Variants in MFAP4 observed in about 807,000 individuals in gnomAD.
MFAP4 encodes microfibril associated protein 4, also known as microfibril-associated glycoprotein 4.
In MFAP4, 20 loss-of-function variants were observed where a neutral mutation model predicts 32.4. The ratio of observed to expected loss-of-function variants is 0.62; its 90% CI spans 0.43 to 0.90. The LOEUF (loss-of-function observed/expected upper bound fraction) is 0.90. Among genes scored for constraint, MFAP4 ranks in the 40% least tolerant of loss-of-function variants. MFAP4 has a pLI of 0.00. For missense variants in MFAP4, 267 were observed against 329.5 expected (o/e 0.81, Z 1.47); for synonymous variants, 146 against 137.4 (o/e 1.06, Z -0.44).
chr17:19,384,810 C>A, intron 5 of MFAP4, 101 bp from the exon 6 acceptor site: 1 of 1,520,978 alleles, frequency 6.6e-7, no homozygotes, highest in Non-Finnish European at 9.0e-7. Flanking sequence ...TATCACGTGG[C>A]AGCCTGGCGG....
intron 1 of MFAP4, 134 bp from the exon 2 acceptor site, chr17:19,386,972 T>TGCCGGGGCCCCCCC: frequency 1.1e-6 from 1 of 937,014 alleles, no homozygotes; most frequent in Non-Finnish European, 1.7e-6. Flanking sequence ...TGGCCCCTCT[T>TGCCGGGGCCCCCCC]CCCTGCCCCC....
intron 2 of MFAP4, 52 bp downstream of exon 2, chr17:19,386,708 T>C: frequency 6.5e-7 from 1 of 1,539,170 alleles, no homozygotes; most frequent in East Asian, 2.4e-5. Flanking sequence ...GTCCAGCCTC[T>C]TCTTGCACAA....
Position 19,385,348 on chromosome 17 carries a change from C to T in MFAP4, c.337+10G>A. The stretch of plus-strand genomic sequence containing the variant: ...GGGCAGCCCCTCAGCCCACCTGGTC[C>T]CTGCCTTACCCAGCCAGTACTCTCC... On this transcript the variant is annotated intron_variant, in intron 4 of 5. Transcript: ENST00000299610. The T allele has an allele frequency of 6.2e-7, 1 of 1,614,222 alleles. No individual in the cohort carries two copies. Among genetic ancestry groups the T allele is most frequent in the Non-Finnish European group, 8.5e-7 (1 of 1,180,030 alleles).
In MFAP4 at chr17:19,386,390, C is replaced by T. The variant is rs143390571; in HGVS notation, c.160G>A (p.Val54Met). 16 of 1,613,886 alleles carry T rather than the reference C, an allele frequency of 9.9e-6. 1 individual carries two copies. In the South Asian group the frequency reaches 1.2e-4, roughly 12 times the overall value. ...GGGCCCGAGGGGTAGATGAGGTACA[C>T]GCCGTCTGACTGGTAGCCCTGGGCA... is the stretch of plus-strand genomic sequence containing the variant. ...IYAQGYQSDG[V>M]YLIYPSGPSV... Residue 54 changes from valine (V) to methionine (M), a missense_variant, in exon 3 of 6, where the codon GTG becomes ATG. Val to Met is a conservative substitution (Grantham distance 21, BLOSUM62 1). Coordinates refer to ENST00000299610, the MANE Select transcript of MFAP4 (RefSeq NM_002404.3).
intron 5 of MFAP4, 139 bp from the exon 6 acceptor site, chr17:19,384,848 G>T: frequency 8.0e-7 from 1 of 1,248,608 alleles, no homozygotes; most frequent in Non-Finnish European, 1.1e-6. Flanking sequence ...TGAGCCAGAT[G>T]TTGGGTTGAT....
chr17:19,386,466 T>C lies in MFAP4; in HGVS notation c.86-2A>G. 1 of 1,611,234 alleles carries C rather than the reference T, an allele frequency of 6.2e-7. No homozygotes were observed. The highest frequency in any genetic ancestry group is 8.5e-7 in the Non-Finnish European group (1 of 1,178,432). ...GCTGAAGGCAAAACCTCTCCAGAGCTGGGGGTAGGGACATGGGGACAGTGA... is the reference window on the plus strand; with the variant it reads ...GCTGAAGGCAAAACCTCTCCAGAGCCGGGGGTAGGGACATGGGGACAGTGA... On this transcript the variant is annotated splice_acceptor_variant, in intron 2 of 5. Transcript: ENST00000299610. LOFTEE classifies it high-confidence loss of function.
rs1473901611 is a variant in MFAP4 at position 19,385,470 on chromosome 17, T to C, written c.241-16A>G. 2 of 1,612,624 alleles carry C rather than the reference T, an allele frequency of 1.2e-6. No homozygotes were observed. The highest frequency in any genetic ancestry group is 1.7e-6 in the Non-Finnish European group (2 of 1,178,720). ...TCTGGAAAACCTGGAGCAGAGAAGATGAGACTGGATCATCAAGGGTCCAAT... is the reference window on the plus strand; with the variant it reads ...TCTGGAAAACCTGGAGCAGAGAAGACGAGACTGGATCATCAAGGGTCCAAT... On this transcript the variant is annotated splice_polypyrimidine_tract_variant and intron_variant, in intron 3 of 5. Coordinates refer to ENST00000299610, the MANE Select transcript of MFAP4 (RefSeq NM_002404.3).
rs779685981 is a variant in MFAP4 at position 19,387,146 on chromosome 17, GTACCTTCA to G, written c.2_6+3del. On this transcript the variant is annotated splice_donor_variant and splice_donor_region_variant and coding_sequence_variant and intron_variant, in exon 1 of 6. Coordinates refer to ENST00000299610, the MANE Select transcript of MFAP4 (RefSeq NM_002404.3). LOFTEE classifies it high-confidence loss of function. ...TATGAGTCCCCCGACCCTGGGCCCC[GTACCTTCA>G]TGCTGTCAGTTCTGCTCAGAGTGGC... 1 of 1,608,384 alleles carries G rather than the reference GTACCTTCA, an allele frequency of 6.2e-7. No homozygotes were observed. The highest frequency in any genetic ancestry group is 1.1e-5 in the South Asian group (1 of 90,872).
chr17:19,386,977 G>GGGCCCCCCCCCCCCCCCCCCCC, intron 1 of MFAP4, 139 bp from the exon 2 acceptor site: 1 of 689,456 alleles, frequency 1.5e-6, no homozygotes, highest in Non-Finnish European at 2.4e-6. Flanking sequence ...CCTCTTCCCT[G>GGGCCCCCCCCCCCCCCCCCCCC]CCCCCCCACC....
Position 19,384,344 on chromosome 17 carries a change from C to G in MFAP4, c.*118G>C, listed in dbSNP as rs1237381970. The G allele has an allele frequency of 4.7e-6, 6 of 1,267,950 alleles. No individual in the cohort carries two copies. In the East Asian group the frequency reaches 1.5e-4, roughly 32 times the overall value. The allele number at this position is 1,267,950 out of a possible 1,614,324, so 78.5% of individuals were successfully genotyped here. Reference sequence around the variant, plus strand: ...GGCATGGCTGAGAGCCACAAGGCCCCCTTGTAAGGAGTTGGTGCTCGGGAA... The same window carrying G: ...GGCATGGCTGAGAGCCACAAGGCCCGCTTGTAAGGAGTTGGTGCTCGGGAA... On this transcript the variant is annotated 3_prime_UTR_variant, in exon 6 of 6. Coordinates refer to ENST00000299610, the MANE Select transcript of MFAP4 (RefSeq NM_002404.3).
chr17:19,386,754 G>A lies in MFAP4; in HGVS notation c.85+6C>T. 1 of 1,567,734 alleles carries A rather than the reference G, an allele frequency of 6.4e-7. No homozygotes were observed. Among genetic ancestry groups the A allele is most frequent in the South Asian group, 1.2e-5 (1 of 85,116 alleles). ...AGGCCGCGTCTGTGAGTGTGGGGCT[G>A]CTTACCATCTCCTCGGATCCCGGAG... On this transcript the variant is annotated splice_donor_region_variant and intron_variant, in intron 2 of 5. Coordinates refer to ENST00000299610, the MANE Select transcript of MFAP4 (RefSeq NM_002404.3).
chr17:19,384,234 G>T lies in MFAP4; in HGVS notation c.*228C>A, dbSNP rs950477579. The T allele has an allele frequency of 1.8e-6, 1 of 557,752 alleles. No homozygotes were observed. The highest frequency in any genetic ancestry group is 1.9e-5 in the African/African-American group (1 of 53,086). The allele number at this position is 557,752 out of a possible 1,614,324, so 34.6% of individuals were successfully genotyped here. On this transcript the variant is annotated 3_prime_UTR_variant, in exon 6 of 6. Transcript: ENST00000299610. Reference sequence around the variant, plus strand: ...ACCATGTGCCTCTCGGAAGAGGCCTGGGGAACTGCTGGCAGTGTAACTTCA... The same window carrying T: ...ACCATGTGCCTCTCGGAAGAGGCCTTGGGAACTGCTGGCAGTGTAACTTCA...
At chr17:19,386,684 A>C in intron 2 of MFAP4, 76 bp downstream of exon 2, 1 of 1,485,366 alleles carries the variant, frequency 6.7e-7, no homozygotes, top group Non-Finnish European at 9.2e-7. Flanking sequence ...CGGCCCTGAC[A>C]GTCTGTTCTG....
In MFAP4 at chr17:19,385,414, C is replaced by T. The variant is rs746791351; in HGVS notation, c.281G>A (p.Arg94His). ...GCCCAGCTTGTAGTCATTCCAGCCG[C>T]GGAAGAAACTTACTGAGCCATTGAA... ...KRFNGSVSFF[R>H]GWNDYKLGFG... Residue 94 changes from arginine (R) to histidine (H), a missense_variant, in exon 4 of 6, where the codon CGC (arginine) becomes CAC (histidine). Transcript: ENST00000299610. 14 of 1,614,076 alleles carry T rather than the reference C, an allele frequency of 8.7e-6. No homozygotes were observed. Among genetic ancestry groups the T allele is most frequent in the East Asian group, 4.5e-5 (2 of 44,890 alleles).
intron 1 of MFAP4, 47 bp from the exon 2 acceptor site, chr17:19,386,885 A>C (rs1043203341): frequency 3.3e-6 from 5 of 1,532,760 alleles, no homozygotes; most frequent in Non-Finnish European, 4.4e-6. Context: ...CCAGCTCCAG[A>C]GATCCCCTGT....
chr17:19,386,987 C>T, intron 1 of MFAP4, 149 bp from the exon 2 acceptor site: 2 of 998,592 alleles, frequency 2.0e-6, no homozygotes, highest in Non-Finnish European at 3.0e-6. Context: ...GCCCCCCCAC[C>T]CCGCCCGCCA....
At chr17:19,386,914 C>T in intron 1 of MFAP4, 76 bp from the exon 2 acceptor site, 8 of 1,477,134 alleles carry the variant, frequency 5.4e-6, no homozygotes, top group Non-Finnish European at 7.4e-6. Context: ...CATTTGCCCC[C>T]ACCATGCATG....
chr17:19,384,984 T>C, intron 5 of MFAP4, 115 bp downstream of exon 5: 1 of 1,363,340 alleles, frequency 7.3e-7, no homozygotes, highest in Non-Finnish European at 1.0e-6. Context: ...CTGTGGCCCT[T>C]CCAGATCCAG....
chr17:19,385,135 T>C lies in MFAP4; in HGVS notation c.484A>G (p.Thr162Ala), dbSNP rs1912979765. 1 of 1,614,080 alleles carries C rather than the reference T, an allele frequency of 6.2e-7. No homozygotes were observed. The highest frequency in any genetic ancestry group is 1.3e-5 in the African/African-American group (1 of 74,946). The change falls in exon 5 of 6, where the codon ACC becomes GCC. Residue 162 changes from threonine to alanine, a missense_variant. Thr to Ala is a moderately conservative substitution (Grantham distance 58, BLOSUM62 0). Coordinates refer to ENST00000299610, the MANE Select transcript of MFAP4 (RefSeq NM_002404.3). ...TCCTCAAAGCCTGCCACAAAGAGGG[T>C]GTAGCCATCCTCCTCTGCGCTGACC... Reference protein sequence around the residue: ...NAVSAEEDGYTLFVAGFEDGG... With the variant: ...NAVSAEEDGYALFVAGFEDGG...
Sources: gnomAD v4.1 joint callset for allele counts on GRCh38, gnomAD v4.1.1 for gene constraint, MANE v1.5 for transcripts, NCBI Gene and HGNC (gene_info 2026-07-23, HGNC 2026-07-21) for gene names.